TENM2: variants seen among roughly 807,000 people sequenced by gnomAD.
The protein encoded by TENM2 is teneurin transmembrane protein 2.
A neutral mutation model predicts 245.2 loss-of-function variants in TENM2; 52 were observed. The observed-to-expected ratio is 0.21, with a 90% CI of 0.17 to 0.27. The LOEUF (loss-of-function observed/expected upper bound fraction) is 0.27. TENM2 is among the 10% of genes least tolerant of loss of function. The probability of loss-of-function intolerance (pLI) is 1.00; values close to 1 mark genes in which losing one functional copy is unlikely to be tolerated. For missense variants in TENM2, 3,046 were observed against 3,666.8 expected, an observed-to-expected ratio of 0.83 and a Z score of 4.37; for synonymous variants, 1,363 against 1,438.9, an observed-to-expected ratio of 0.95 and a Z score of 1.19.
intron 25 of TENM2, among the ~76,000 whole-genome samples, chr5:168,240,532 T>C (rs888146430): frequency 6.6e-6 from 1 of 152,130 alleles, no homozygotes; most frequent in Admixed American, 6.5e-5. Flanking sequence ...GAGAGTGTTG[T>C]TGTGTAAATT....
intron 2 of TENM2, among the ~76,000 whole-genome samples, chr5:167,638,961 G>C (rs188799017): frequency 2.5e-4 from 38 of 152,336 alleles, no homozygotes; most frequent in African/African-American, 9.1e-4. Flanking sequence ...TTTTCAGCAT[G>C]AAAGTTTTGG....
chr5:167,609,868 G>C (rs1777355120), intron 2 of TENM2, among the ~76,000 whole-genome samples: 1 of 152,052 alleles, frequency 6.6e-6, no homozygotes. Context: ...TTCTCCAGCA[G>C]ACCCCAGCTG....
intron 2 of TENM2, among the ~76,000 whole-genome samples, chr5:167,502,454 G>T (rs890257976): frequency 6.6e-6 from 1 of 152,008 alleles, no homozygotes; most frequent in African/African-American, 2.4e-5. Context: ...CTGTTTATTT[G>T]CCTCATTTTC....
At chr5:167,817,113 A>G (rs1042693494) in intron 2 of TENM2, among the ~76,000 whole-genome samples, 1 of 152,184 alleles carries the variant, frequency 6.6e-6, no homozygotes, top group Non-Finnish European at 1.5e-5. Flanking sequence ...ATTTTTGTTC[A>G]GGTGTTTTGA....
At chr5:167,549,579 G>A (rs1744600757) in intron 2 of TENM2, among the ~76,000 whole-genome samples, 1 of 152,006 alleles carries the variant, frequency 6.6e-6, no homozygotes, top group Non-Finnish European at 1.5e-5. Flanking sequence ...AAACAATGAG[G>A]ACCTAAAGTG....
the TENM2 span, among the ~76,000 whole-genome samples, chr5:166,989,958 A>G: frequency 6.6e-6 from 1 of 151,766 alleles, no homozygotes; most frequent in African/African-American, 2.4e-5. Flanking sequence ...AATGTTATCT[A>G]CTTGAACTCT....
At chr5:168,150,215 A>G (rs1253615917) in intron 12 of TENM2, among the ~76,000 whole-genome samples, 3 of 152,208 alleles carry the variant, frequency 2.0e-5, no homozygotes, top group Non-Finnish European at 4.4e-5. Flanking sequence ...TACCCGGTGC[A>G]TAATAGGTGC....
chr5:167,106,077 G>C, the TENM2 span, among the ~76,000 whole-genome samples: 1 of 151,868 alleles, frequency 6.6e-6, no homozygotes, highest in Non-Finnish European at 1.5e-5. Flanking sequence ...CCTCACTCAT[G>C]GTTATCTGTT....
intron 2 of TENM2, among the ~76,000 whole-genome samples, chr5:167,458,157 A>G (rs1340772700): frequency 6.6e-6 from 1 of 152,186 alleles, no homozygotes; most frequent in African/African-American, 2.4e-5. Context: ...ATAAGAAACT[A>G]AAACTGGTAA....
At chr5:167,674,695 A>G (rs1275309010) in intron 2 of TENM2, among the ~76,000 whole-genome samples, 2 of 152,122 alleles carry the variant, frequency 1.3e-5, no homozygotes, top group Non-Finnish European at 2.9e-5. Flanking sequence ...ATCAAGTGAG[A>G]TAAAGATTTA....
chr5:167,966,128 G>A (rs1322073244), intron 4 of TENM2, among the ~76,000 whole-genome samples: 1 of 152,220 alleles, frequency 6.6e-6, no homozygotes, highest in Non-Finnish European at 1.5e-5. Context: ...GGAATTGGTG[G>A]CAACCCGGAT....
At chr5:167,469,057 A>G (rs559121324) in intron 2 of TENM2, among the ~76,000 whole-genome samples, 12 of 152,322 alleles carry the variant, frequency 7.9e-5, no homozygotes, top group African/African-American at 2.6e-4. Flanking sequence ...AGATTTACAT[A>G]GAAACTTTAA....
intron 3 of TENM2, among the ~76,000 whole-genome samples, chr5:167,925,409 T>A (rs1777675152): frequency 6.6e-6 from 1 of 151,984 alleles, no homozygotes; most frequent in African/African-American, 2.4e-5. Context: ...CTTTCTGGAG[T>A]GGTGGAAATA....
the TENM2 span, among the ~76,000 whole-genome samples, chr5:167,019,735 G>C: frequency 6.6e-6 from 1 of 152,046 alleles, no homozygotes; most frequent in Admixed American, 6.6e-5. Context: ...CTCCCAAAAT[G>C]CTGGAATTAC....
chr5:167,907,524 A>AATATATATATATAT (rs56159044), intron 3 of TENM2, among the ~76,000 whole-genome samples: 4 of 78,250 alleles, frequency 5.1e-5, no homozygotes, highest in Non-Finnish European at 8.4e-5. Flanking sequence ...GATCACCCTA[A>AATATATATATATAT]ATATATATAT....
intron 2 of TENM2, among the ~76,000 whole-genome samples, chr5:167,702,510 G>A (rs1386090146): frequency 6.7e-6 from 1 of 148,150 alleles, no homozygotes; most frequent in African/African-American, 2.5e-5. Context: ...TTTTAATAAA[G>A]AAAGGGCTAA....
At chr5:167,847,060 C>T (rs1360241429) in intron 2 of TENM2, among the ~76,000 whole-genome samples, 1 of 152,158 alleles carries the variant, frequency 6.6e-6, no homozygotes, top group Non-Finnish European at 1.5e-5. Context: ...GGGCTCAAGC[C>T]ATCCTCCCAC....
At chr5:167,019,343 G>GT in the TENM2 span, among the ~76,000 whole-genome samples, 1 of 152,204 alleles carries the variant, frequency 6.6e-6, no homozygotes, top group African/African-American at 2.4e-5. Context: ...AGATTGCTGA[G>GT]TAAGAAGGCA....
At chr5:168,240,174 C>T (rs1007967025) in intron 25 of TENM2, among the ~76,000 whole-genome samples, 15 of 152,178 alleles carry the variant, frequency 9.9e-5, no homozygotes, top group African/African-American at 2.4e-4. Flanking sequence ...GAGCCGAGAT[C>T]GTGCCACTGC....
Sources: gnomAD v4.1 joint callset for allele counts (sites outside exome capture counted in the v4.1 genomes callset) on GRCh38, gnomAD v4.1.1 for gene constraint, MANE v1.5 for transcripts, NCBI Gene and HGNC (gene_info 2026-07-23, HGNC 2026-07-21) for gene names.